Variants in TOMM70 observed in about 807,000 individuals in gnomAD.
The protein encoded by TOMM70 is mitochondrial import receptor subunit TOM70.
In TOMM70, 13 loss-of-function variants were observed where a neutral mutation model predicts 73.6. The ratio of observed to expected loss-of-function variants is 0.18; its 90% CI spans 0.11 to 0.28. TOMM70 has a LOEUF of 0.28. TOMM70 is among the 10% of genes least tolerant of loss of function. The probability of loss-of-function intolerance (pLI) is 1.00; values close to 1 mark genes in which losing one functional copy is unlikely to be tolerated. For synonymous variants in TOMM70, 257 were observed against 271.2 expected (o/e 0.95, Z 0.51); for missense variants, 609 against 747.5 (o/e 0.81, Z 2.16).
At chr3:100,387,780 C>T (rs554077523) in intron 1 of TOMM70, among the ~76,000 whole-genome samples, 80 of 152,002 alleles carry the variant, frequency 5.3e-4, no homozygotes, top group African/African-American at 1.7e-3. Context: ...GGGCTACCAG[C>T]GTGCACTACC....
At chr3:100,372,799 A>G in intron 8 of TOMM70, 77 bp from the exon 9 acceptor site, 1 of 1,214,096 alleles carries the variant, frequency 8.2e-7, no homozygotes, top group Non-Finnish European at 1.2e-6. Context: ...ACACAAAATT[A>G]CATAAATATT....
Position 100,384,530 on chromosome 3 carries a change from G to T in TOMM70, c.684C>A (p.Ala228=), listed in dbSNP as rs749550224. ...TTCCAAGGAGTTTAAGAACTTTATCGGCTAACAGCATGCTTTGTTGATTTT... is the reference window on the plus strand; with the variant it reads ...TTCCAAGGAGTTTAAGAACTTTATCTGCTAACAGCATGCTTTGTTGATTTT... ...GFQNQQSMLL[A]DKVLKLLGKE... is the part of the protein sequence containing the mutation. The change falls in exon 4 of 12, where the codon GCC becomes GCA. Residue 228 remains alanine (A), a synonymous_variant. Coordinates refer to ENST00000284320, the MANE Select transcript of TOMM70 (RefSeq NM_014820.5). 2 of 1,610,004 alleles carry T rather than the reference G, an allele frequency of 1.2e-6. No individual in the cohort carries two copies. The highest frequency in any genetic ancestry group is 4.5e-5 in the East Asian group (2 of 44,820).
chr3:100,396,743 G>A (rs1271264824), intron 1 of TOMM70, among the ~76,000 whole-genome samples: 2 of 152,154 alleles, frequency 1.3e-5, no homozygotes, highest in Non-Finnish European at 2.9e-5. Context: ...AATGGAATAT[G>A]ATCTAATACT....
intron 1 of TOMM70, among the ~76,000 whole-genome samples, chr3:100,392,416 A>C (rs1277124604): frequency 6.6e-6 from 1 of 152,098 alleles, no homozygotes; most frequent in Non-Finnish European, 1.5e-5. Flanking sequence ...AGTATGGAAG[A>C]TTTCTTTCTT....
At chr3:100,379,420 TCAAGACCAGCCGGGGAAACATGG>T (rs933979012) in intron 5 of TOMM70, among the ~76,000 whole-genome samples, 13 of 151,940 alleles carry the variant, frequency 8.6e-5, no homozygotes, top group African/African-American at 2.7e-4. Context: ...GCCCAGGAGT[TCAAGACCAGCCGGGGAAACATGG>T]CAAGACCCTG....
intron 1 of TOMM70, among the ~76,000 whole-genome samples, chr3:100,396,438 T>C (rs530265832): frequency 6.6e-6 from 1 of 152,228 alleles, no homozygotes; most frequent in East Asian, 1.9e-4. Flanking sequence ...TAAATAACAA[T>C]TGGACAAAAA....
chr3:100,377,585 C>T, intron 6 of TOMM70, 120 bp downstream of exon 6: 1 of 900,654 alleles, frequency 1.1e-6, no homozygotes, highest in Non-Finnish European at 1.7e-6. Flanking sequence ...GTAGTTTCTT[C>T]AAAAACAAAA....
intron 9 of TOMM70, 98 bp downstream of exon 9, chr3:100,372,508 A>C: frequency 1.0e-6 from 1 of 975,830 alleles, no homozygotes; most frequent in Non-Finnish European, 1.5e-6. Flanking sequence ...ACCTGCTTCC[A>C]AAGAAGCTGC....
At chr3:100,396,145 G>A (rs1215461273) in intron 1 of TOMM70, among the ~76,000 whole-genome samples, 2 of 151,962 alleles carry the variant, frequency 1.3e-5, no homozygotes, top group Non-Finnish European at 2.9e-5. Context: ...AAGCTTAGAG[G>A]GAATGTCATT....
At chr3:100,397,137 T>G (rs1008221525) in intron 1 of TOMM70, among the ~76,000 whole-genome samples, 2 of 152,230 alleles carry the variant, frequency 1.3e-5, no homozygotes, top group African/African-American at 4.8e-5. Context: ...CTGCCAGGTT[T>G]CCATCAGTGA....
Position 100,364,672 on chromosome 3 carries a change from G to GA in TOMM70, c.*891_*892insT, listed in dbSNP as rs1706428933. 1 of 152,120 alleles carries GA rather than the reference G, an allele frequency of 6.6e-6. No homozygotes were observed. The highest frequency in any genetic ancestry group is 1.5e-5 in the Non-Finnish European group (1 of 68,036). 9.4% of individuals were successfully genotyped at this position (152,120 alleles called of 1,614,324 possible). A position where few individuals can be genotyped will look rare whatever the true frequency, so the allele number is the denominator to read the frequency against. On this transcript the variant is annotated 3_prime_UTR_variant, in exon 12 of 12. Transcript: ENST00000284320. ...TCGAGCTCCTGGTCTCAAGCCTCTT[G>GA]CCTCAGCCTCCCTAGTAGCTGAGAC...
chr3:100,378,944 T>C (rs13318574), intron 5 of TOMM70, among the ~76,000 whole-genome samples: 2,337 of 152,174 alleles, frequency 0.015, 29 homozygotes, highest in African/African-American at 0.04. Flanking sequence ...GAGGCGGAGC[T>C]TGCAGTGAGC....
intron 1 of TOMM70, among the ~76,000 whole-genome samples, chr3:100,391,648 G>C (rs77456989): frequency 0.012 from 1,806 of 152,200 alleles, 37 homozygotes; most frequent in African/African-American, 0.042. Context: ...ATTTGTCCAG[G>C]CTGGTATCGA....
chr3:100,394,076 G>A (rs959104492), intron 1 of TOMM70, among the ~76,000 whole-genome samples: 2 of 152,150 alleles, frequency 1.3e-5, no homozygotes, highest in South Asian at 2.1e-4. Context: ...TGATGATCAC[G>A]TATAGTCACT....
intron 9 of TOMM70, 188 bp downstream of exon 9, chr3:100,372,418 C>T: frequency 2.3e-6 from 1 of 439,252 alleles, no homozygotes. Context: ...CCATGATTTC[C>T]AAATTGTGTA....
intron 1 of TOMM70, among the ~76,000 whole-genome samples, chr3:100,396,334 C>T (rs935644634): frequency 7.2e-5 from 11 of 152,074 alleles, no homozygotes; most frequent in Non-Finnish European, 1.0e-4. Context: ...TTATTGGTTC[C>T]TAACCATTTC....
intron 1 of TOMM70, among the ~76,000 whole-genome samples, chr3:100,396,747 T>C (rs1234948419): frequency 6.6e-6 from 1 of 152,226 alleles, no homozygotes; most frequent in East Asian, 1.9e-4. Flanking sequence ...GAATATGATC[T>C]AATACTTTAA....
chr3:100,382,507 C>T (rs1706644392), intron 4 of TOMM70, among the ~76,000 whole-genome samples: 1 of 152,064 alleles, frequency 6.6e-6, no homozygotes, highest in South Asian at 2.1e-4. Flanking sequence ...AGATTCAATT[C>T]GTTTTAATTT....
At chr3:100,376,895 CAT>C (rs1432124510) in intron 6 of TOMM70, among the ~76,000 whole-genome samples, 1 of 152,138 alleles carries the variant, frequency 6.6e-6, no homozygotes, top group East Asian at 1.9e-4. Context: ...AAACATATAA[CAT>C]ATATCAGTTG....
Sources: gnomAD v4.1 joint callset for allele counts (sites outside exome capture counted in the v4.1 genomes callset) on GRCh38, gnomAD v4.1.1 for gene constraint, MANE v1.5 for transcripts, NCBI Gene and HGNC (gene_info 2026-07-23, HGNC 2026-07-21) for gene names.